The following ABCG2 variants were observed in gnomAD, a reference collection of about 807,000 sequenced individuals.
ABCG2 encodes broad substrate specificity ATP-binding cassette transporter ABCG2.
ABCG2 carries 80 observed loss-of-function variants against 73.5 expected under a neutral mutation model. The observed-to-expected ratio is 1.09, with a 90% CI of 0.91 to 1.31. The LOEUF (loss-of-function observed/expected upper bound fraction) is 1.31. Ranked by LOEUF, ABCG2 falls within the 50% of genes most tolerant of loss-of-function variation. The pLI is 0.00. For synonymous variants in ABCG2, 269 were observed against 282.4 expected (o/e 0.95, Z 0.48); for missense variants, 796 against 786.2 (o/e 1.01, Z -0.15).
chr4:88,191,213 A>T (rs1288205567), intron 1 of ABCG2, among the ~76,000 whole-genome samples: 2 of 135,326 alleles, frequency 1.5e-5, no homozygotes, highest in Admixed American at 7.2e-5. Context: ...CACTGCGTGC[A>T]GTGCTCCAAG....
rs1003132224 is a variant in ABCG2 at position 88,153,627 on chromosome 4, G to A, written c.-20+4759C>T. On this transcript the variant is annotated intron_variant, in intron 1 of 15. Coordinates refer to ENST00000237612, the MANE Select transcript of ABCG2 (RefSeq NM_004827.3). The stretch of plus-strand genomic sequence containing the variant: ...GACTAATAAAGGCCGGTCCTCTATT[G>A]AACCGTATAGAGGTGGGAAGGCCAA... Among the ~76,000 whole-genome samples the A allele has an allele frequency of 5.3e-5, 8 of 152,030 alleles. 1 individual carries two copies. In the South Asian group the frequency reaches 1.5e-3, roughly 28 times the overall value.
In ABCG2 at chr4:88,118,157, T is replaced by C. The variant is rs780593948; in HGVS notation, c.793A>G (p.Met265Val). 7 of 1,614,116 alleles carry C rather than the reference T, an allele frequency of 4.3e-6. No individual in the cohort carries two copies. In the South Asian group the frequency reaches 7.7e-5, roughly 18 times the overall value. Residue 265 changes from methionine (M) to valine (V), a missense_variant, in exon 7 of 16, where the codon ATG (methionine) becomes GTG (valine). Met to Val is a conservative substitution (Grantham distance 21, BLOSUM62 1). Coordinates refer to ENST00000237612, the MANE Select transcript of ABCG2 (RefSeq NM_004827.3). ...SLTLLASGRLMFHGPAQEALG... is the reference protein window; with the variant it reads ...SLTLLASGRLVFHGPAQEALG... ...GCCTCCTGAGCAGGCCCGTGGAACATAAGTCTTCCTGAGGCCAATAAGGTG... is the reference window on the plus strand; with the variant it reads ...GCCTCCTGAGCAGGCCCGTGGAACACAAGTCTTCCTGAGGCCAATAAGGTG...
intron 1 of ABCG2, among the ~76,000 whole-genome samples, chr4:88,147,016 GGAAAGAAAGAAAGAAA>G (rs58050208): frequency 2.4e-5 from 3 of 125,260 alleles, no homozygotes; most frequent in South Asian, 2.8e-4. Flanking sequence ...AGAAAGAAAA[GGAAAGAAAGAAAGAAA>G]GAAAGAAAGA....
chr4:88,114,284 A>G (rs1170259479), intron 8 of ABCG2, among the ~76,000 whole-genome samples: 4 of 152,212 alleles, frequency 2.6e-5, no homozygotes, highest in Non-Finnish European at 5.9e-5. Flanking sequence ...TTTGACCTTA[A>G]TTCTTTTAAA....
chr4:88,099,234 G>C (rs1722212283), intron 12 of ABCG2, 90 bp downstream of exon 12: 8 of 1,318,402 alleles, frequency 6.1e-6, no homozygotes, highest in East Asian at 2.7e-5. Context: ...TTATAGTTTT[G>C]AGAACCAAAA....
At chr4:88,095,918 A>C (rs2231159) in intron 13 of ABCG2, among the ~76,000 whole-genome samples, 2,970 of 152,300 alleles carry the variant, frequency 0.02, 77 homozygotes, top group African/African-American at 0.063. Context: ...TGTAACTGCA[A>C]ATAATGGAAG....
Position 88,095,581 on chromosome 4 carries a change from G to C in ABCG2, c.1676C>G (p.Thr559Arg), listed in dbSNP as rs1374765124. The change falls in exon 14 of 16, where the codon ACA (threonine) becomes AGA (arginine). Residue 559 changes from threonine (T) to arginine (R), a missense_variant. Coordinates refer to ENST00000237612, the MANE Select transcript of ABCG2 (RefSeq NM_004827.3). ...CCATGACAGCCAAGATGCAATGGTT[G>C]TGAGATTGACCAACAGACCTGAAAA... is the stretch of plus-strand genomic sequence containing the variant. ...MIFSGLLVNL[T>R]TIASWLSWLQ... The C allele has an allele frequency of 1.2e-6, 2 of 1,613,790 alleles. No individual in the cohort carries two copies. The highest frequency in any genetic ancestry group is 1.7e-6 in the Non-Finnish European group (2 of 1,179,716).
chr4:88,099,119 C>T (rs1279560293), intron 12 of ABCG2, among the ~76,000 whole-genome samples: 1 of 152,080 alleles, frequency 6.6e-6, no homozygotes, highest in Non-Finnish European at 1.5e-5. Context: ...AGCAAACAAA[C>T]AAAAAAGTTC....
intron 1 of ABCG2, among the ~76,000 whole-genome samples, chr4:88,215,699 T>G (rs1039302409): frequency 1.3e-5 from 2 of 152,062 alleles, no homozygotes; most frequent in Non-Finnish European, 2.9e-5. Flanking sequence ...ACCACAGAGA[T>G]GGAATAGTAA....
At chr4:88,181,211 C>A (rs1270261806) in intron 1 of ABCG2, among the ~76,000 whole-genome samples, 2 of 151,066 alleles carry the variant, frequency 1.3e-5, no homozygotes, top group Non-Finnish European at 2.9e-5. Context: ...ACCAGCCTGG[C>A]CAACATGGTG....
chr4:88,222,531 T>C (rs1730049595), intron 1 of ABCG2, among the ~76,000 whole-genome samples: 1 of 152,216 alleles, frequency 6.6e-6, no homozygotes, highest in South Asian at 2.1e-4. Flanking sequence ...ACATAAGATG[T>C]GACTTGCTAC....
intron 13 of ABCG2, among the ~76,000 whole-genome samples, chr4:88,097,235 T>C (rs1722044225): frequency 6.6e-6 from 1 of 152,160 alleles, no homozygotes; most frequent in African/African-American, 2.4e-5. Flanking sequence ...ACTAAAATTA[T>C]TGGAACTTCA....
At chr4:88,141,239 G>A (rs1021619507) in intron 1 of ABCG2, among the ~76,000 whole-genome samples, 2 of 152,050 alleles carry the variant, frequency 1.3e-5, no homozygotes, top group Non-Finnish European at 1.5e-5. Flanking sequence ...CAACCAAAGC[G>A]GCCAGGACAT....
At chr4:88,179,531 G>A (rs1728148435) in intron 1 of ABCG2, among the ~76,000 whole-genome samples, 1 of 152,096 alleles carries the variant, frequency 6.6e-6, no homozygotes, top group African/African-American at 2.4e-5. Flanking sequence ...AACCATCCAG[G>A]AAAACATGAC....
intron 1 of ABCG2, among the ~76,000 whole-genome samples, chr4:88,176,203 C>A (rs1387855510): frequency 6.6e-6 from 1 of 151,398 alleles, no homozygotes; most frequent in South Asian, 2.1e-4. Flanking sequence ...CCATGTTGCC[C>A]AGGCTTGTCT....
At position 88,171,810 on chromosome 4, in the gene ABCG2, G is replaced by A. The variant is rs1727766549; in HGVS notation, c.-19-31796C>T. Reference sequence around the variant, plus strand: ...GACACCTGGGAATATTACCCATCCTGACAGCCTTTGAATTACAGACCTGTG... The same window carrying A: ...GACACCTGGGAATATTACCCATCCTAACAGCCTTTGAATTACAGACCTGTG... On this transcript the variant is annotated intron_variant, in intron 1 of 15. Coordinates refer to the ABCG2 transcript ENST00000515655. 4.6e-5 allele frequency among the ~76,000 whole-genome samples: 7 copies of A among 152,068 alleles called. No individual in the cohort carries two copies. In the South Asian group the frequency reaches 1.5e-3, roughly 32 times the overall value.
chr4:88,151,358 C>T (rs181497812), intron 1 of ABCG2, among the ~76,000 whole-genome samples: 3 of 152,320 alleles, frequency 2.0e-5, no homozygotes, highest in Non-Finnish European at 2.9e-5. Context: ...CCTTGTTCTC[C>T]GTGAGTCTAG....
chr4:88,221,024 T>C (rs372157940), intron 1 of ABCG2, among the ~76,000 whole-genome samples: 6 of 152,264 alleles, frequency 3.9e-5, no homozygotes, highest in African/African-American at 1.4e-4. Context: ...ATCCAAGCAC[T>C]TTGGGAGGCC....
intron 10 of ABCG2, among the ~76,000 whole-genome samples, chr4:88,106,745 T>G (rs1332337614): frequency 4.6e-5 from 7 of 152,164 alleles, no homozygotes; most frequent in Non-Finnish European, 1.0e-4. Flanking sequence ...GAACTGTACA[T>G]TTAAAAATAA....
Sources: allele counts gnomAD v4.1 joint callset (sites outside exome capture counted in the v4.1 genomes callset), GRCh38; gene constraint gnomAD v4.1.1; transcripts MANE v1.5; gene names NCBI Gene and HGNC (gene_info 2026-07-23, HGNC 2026-07-21).